Variants in BLNK observed in about 807,000 individuals in gnomAD.
BLNK encodes the protein B-cell linker protein.
In BLNK, 29 loss-of-function variants were observed where a neutral mutation model predicts 73.5. That is an observed-to-expected ratio of 0.39 (90% confidence interval 0.29 to 0.54). The LOEUF (loss-of-function observed/expected upper bound fraction) is 0.54. BLNK is among the 20% of genes least tolerant of loss of function. BLNK has a pLI of 0.61. For missense variants in BLNK, 460 were observed against 562.8 expected (o/e 0.82, Z 1.85); for synonymous variants, 176 against 200.8 (o/e 0.88, Z 1.04).
At chr10:96,221,700 A>G (rs1352180706) in intron 6 of BLNK, among the ~76,000 whole-genome samples, 1 of 152,174 alleles carries the variant, frequency 6.6e-6, no homozygotes, top group Non-Finnish European at 1.5e-5. Context: ...TTGTGTCTTC[A>G]TGTGGAATTG....
At position 96,259,759 on chromosome 10, in the gene BLNK, C is replaced by T. The variant is rs17111535; in HGVS notation, c.47+11593G>A. ...TGTGGTAGTCTTTGGCATGTCTGAA[C>T]GGCTGAGCTTGGTTATAAGCAGTCA... On this transcript the variant is annotated intron_variant, in intron 1 of 16. Coordinates refer to ENST00000224337, the MANE Select transcript of BLNK (RefSeq NM_013314.4). 9.6e-3 allele frequency among the ~76,000 whole-genome samples: 1,164 copies of T among 121,808 alleles called. 13 individuals are homozygous for T. Among genetic ancestry groups the T allele is most frequent in the African/African-American group, 0.032 (1,032 of 32,016 alleles). 79.9% of individuals were successfully genotyped at this position (121,808 alleles called of 152,430 possible). A position where few individuals can be genotyped will look rare whatever the true frequency, so the allele number is the denominator to read the frequency against.
chr10:96,271,479 G>C lies in BLNK; in HGVS notation c.-81C>G. The C allele has an allele frequency of 1.4e-6, 2 of 1,453,316 alleles. No homozygotes were observed. The highest frequency in any genetic ancestry group is 1.4e-5 in the African/African-American group (1 of 71,674). The allele number at this position is 1,453,316 out of a possible 1,614,324, so 90.0% of individuals were successfully genotyped here. A position where few individuals can be genotyped will look rare whatever the true frequency, so the allele number is the denominator to read the frequency against. On this transcript the variant is annotated 5_prime_UTR_variant, in exon 1 of 17. Coordinates refer to ENST00000224337, the MANE Select transcript of BLNK (RefSeq NM_013314.4). ...TCCTGGCCCTCCTAGGGAGCAGCAT[G>C]GTAAGCCTCTGGTCTCAAGGGTTCC...
At chr10:96,263,225 C>A (rs1211885172) in intron 1 of BLNK, among the ~76,000 whole-genome samples, 1 of 152,222 alleles carries the variant, frequency 6.6e-6, no homozygotes, top group Non-Finnish European at 1.5e-5. Flanking sequence ...AAACCAGGCA[C>A]AAGCTCCGAG....
chr10:96,211,555 C>T lies in BLNK; in HGVS notation c.677-1648G>A, dbSNP rs587666851. On this transcript the variant is annotated intron_variant, in intron 8 of 16. Coordinates refer to ENST00000224337, the MANE Select transcript of BLNK (RefSeq NM_013314.4). ...CAGGCTTCTACTCAGAGCCCACTGACTCTTTTCCTAAACCCTCAAGGATGG... is the reference window on the plus strand; with the variant it reads ...CAGGCTTCTACTCAGAGCCCACTGATTCTTTTCCTAAACCCTCAAGGATGG... 5.3e-5 allele frequency among the ~76,000 whole-genome samples: 8 copies of T among 152,330 alleles called. No individual in the cohort carries two copies. In the South Asian group the frequency reaches 1.2e-3, roughly 24 times the overall value.
At chr10:96,264,835 G>A (rs532559735) in intron 1 of BLNK, among the ~76,000 whole-genome samples, 27 of 152,246 alleles carry the variant, frequency 1.8e-4, no homozygotes, top group Admixed American at 1.0e-3. Flanking sequence ...GAAGATTAAA[G>A]GATGGACAAG....
At chr10:96,215,473 A>T in intron 7 of BLNK, 84 bp from the exon 8 acceptor site, 1 of 1,318,614 alleles carries the variant, frequency 7.6e-7, no homozygotes, top group Non-Finnish European at 1.0e-6. Flanking sequence ...GAAAATTCAC[A>T]CTCAGGGAAA....
rs2083319678 is a variant in BLNK, at chr10:96,191,014, G to A, written c.*959C>T. ...CTCCCATAATCCCCACGTGCCATGG[G>A]AGGGACCTGGTGGGAGGTAACTGAA... On this transcript the variant is annotated 3_prime_UTR_variant, in exon 17 of 17. Coordinates refer to ENST00000224337, the MANE Select transcript of BLNK (RefSeq NM_013314.4). Among the ~76,000 whole-genome samples, 1 of 152,290 alleles carries A rather than the reference G, an allele frequency of 6.6e-6. No individual in the cohort carries two copies. The highest frequency in any genetic ancestry group is 2.4e-5 in the African/African-American group (1 of 41,558).
intron 3 of BLNK, among the ~76,000 whole-genome samples, chr10:96,241,779 G>C (rs1554906287): frequency 6.6e-6 from 1 of 150,574 alleles, no homozygotes; most frequent in African/African-American, 2.5e-5. Flanking sequence ...TGCCCTGGCT[G>C]GATTGCAGTA....
chr10:96,256,080 C>T (rs1265550412), intron 1 of BLNK, among the ~76,000 whole-genome samples: 1 of 151,998 alleles, frequency 6.6e-6, no homozygotes, highest in African/African-American at 2.4e-5. Flanking sequence ...GCCTGTAATC[C>T]CAGCACTTTG....
At chr10:96,239,284 G>C (rs377378063) in intron 3 of BLNK, 10 of 397,004 alleles carry the variant, frequency 2.5e-5, no homozygotes, top group Middle Eastern at 6.2e-4. Context: ...CCAGAGATCT[G>C]TGTTTCTGCA....
At chr10:96,207,438 A>G (rs2083845591) in intron 10 of BLNK, among the ~76,000 whole-genome samples, 1 of 152,222 alleles carries the variant, frequency 6.6e-6, no homozygotes, top group African/African-American at 2.4e-5. Context: ...CAGGCTTCAC[A>G]GTAGGGACTA....
At chr10:96,252,920 C>T (rs1305224867) in intron 1 of BLNK, among the ~76,000 whole-genome samples, 1 of 152,156 alleles carries the variant, frequency 6.6e-6, no homozygotes, top group Non-Finnish European at 1.5e-5. Context: ...GCTGTCTTTG[C>T]TGTCACTCAT....
intron 16 of BLNK, 28 bp downstream of exon 16, chr10:96,196,880 G>T (rs376755926): frequency 1.7e-5 from 27 of 1,606,662 alleles, no homozygotes; most frequent in Admixed American, 3.3e-5. Context: ...CATAGTTATA[G>T]AATTGAATTT....
At chr10:96,268,222 T>G (rs781847082) in intron 1 of BLNK, among the ~76,000 whole-genome samples, 1 of 152,228 alleles carries the variant, frequency 6.6e-6, no homozygotes, top group Non-Finnish European at 1.5e-5. Context: ...GGGAGGTTAT[T>G]AAAAACTAAA....
At chr10:96,213,857 G>A (rs2084002861) in intron 8 of BLNK, among the ~76,000 whole-genome samples, 1 of 152,174 alleles carries the variant, frequency 6.6e-6, no homozygotes. Flanking sequence ...AGATTGGCAT[G>A]TTTGACCTTT....
In BLNK at chr10:96,200,864, G is replaced by A; in HGVS notation, c.1011+118C>T. 3.2e-6 allele frequency: 3 copies of A among 942,250 alleles called. No individual in the cohort carries two copies. Among genetic ancestry groups the A allele is most frequent in the Non-Finnish European group, 5.2e-6 (3 of 573,218 alleles). The allele number at this position is 942,250 out of a possible 1,614,324, so 58.4% of individuals were successfully genotyped here. A position where few individuals can be genotyped will look rare whatever the true frequency, so the allele number is the denominator to read the frequency against. The stretch of plus-strand genomic sequence containing the variant: ...ATTACCAAATGACAGTTCACATAAT[G>A]ATGTAAAATACAGTCTCTGTTCTCA... On this transcript the variant is annotated intron_variant, in intron 14 of 16. Transcript: ENST00000224337. The surrounding 1 kb of genome is among the most constrained non-coding windows in gnomAD (Gnocchi z 4.3).
At chr10:96,244,760 G>A (rs1396338363) in intron 2 of BLNK, among the ~76,000 whole-genome samples, 2 of 152,264 alleles carry the variant, frequency 1.3e-5, no homozygotes, top group East Asian at 3.9e-4. Context: ...TCATCCAATG[G>A]GCAGAATGTA....
At position 96,189,988 on chromosome 10, in the gene BLNK, AG is replaced by A; in HGVS notation, c.*1984del. On this transcript the variant is annotated 3_prime_UTR_variant, in exon 17 of 17. Transcript: ENST00000224337. ...CTGTTGGCTGTACAGACATTTTCAA[AG>A]GTGCCAGTGTTATTTAATTGGACTG... 1.2e-6 allele frequency: 1 copy of A among 830,644 alleles called. No homozygotes were observed. The highest frequency in any genetic ancestry group is 2.4e-5 in the East Asian group (1 of 41,428). 51.5% of individuals were successfully genotyped at this position (830,644 alleles called of 1,614,324 possible). A position where few individuals can be genotyped will look rare whatever the true frequency, so the allele number is the denominator to read the frequency against.
intron 2 of BLNK, 94 bp from the exon 3 acceptor site, chr10:96,242,878 A>G (rs1842922395): frequency 9.9e-7 from 1 of 1,012,800 alleles, no homozygotes; most frequent in South Asian, 1.3e-5. Context: ...ATAGATAGAC[A>G]ACTAATAGCA....
Sources: gnomAD v4.1 joint callset for allele counts (sites outside exome capture counted in the v4.1 genomes callset) on GRCh38, gnomAD v4.1.1 for gene constraint, Gnocchi (gnomAD v3.1) non-coding constraint, MANE v1.5 for transcripts, NCBI Gene and HGNC (gene_info 2026-07-23, HGNC 2026-07-21) for gene names.